Variants in FAS observed in about 807,000 individuals in gnomAD.
The protein encoded by FAS is Fas cell surface death receptor.
In FAS, 5 loss-of-function variants were observed where a neutral mutation model predicts 33.2. The ratio of observed to expected loss-of-function variants is 0.15; its 90% CI spans 0.08 to 0.32. The LOEUF (loss-of-function observed/expected upper bound fraction) is 0.32. Among genes scored for constraint, FAS ranks in the 10% least tolerant of loss-of-function variants. The probability of loss-of-function intolerance (pLI) is 1.00; values close to 1 mark genes in which losing one functional copy is unlikely to be tolerated. For synonymous variants in FAS, 131 were observed against 130.7 expected (o/e 1.00, Z -0.01); for missense variants, 339 against 386.0 (o/e 0.88, Z 1.02).
chr10:89,008,880 A>G lies in FAS; in HGVS notation c.335-9A>G, dbSNP rs369760719. ...GCTATAACTAATAGTTTCCAAACTG[A>G]TTTTCTAGGCTTAGAAGTGGAAATA... On this transcript the variant is annotated splice_polypyrimidine_tract_variant and intron_variant, in intron 3 of 8. Coordinates refer to ENST00000652046, the MANE Select transcript of FAS (RefSeq NM_000043.6). 2 of 1,613,264 alleles carry G rather than the reference A, an allele frequency of 1.2e-6. No individual in the cohort carries two copies. The highest frequency in any genetic ancestry group is 2.2e-5 in the East Asian group (1 of 44,892).
At position 89,014,484 on chromosome 10, in the gene FAS, G is replaced by T; in HGVS notation, c.*34G>T. The T allele has an allele frequency of 6.3e-7, 1 of 1,581,214 alleles. No homozygotes were observed. ...ACAACAAATTCAGTTCTGAGTATAT[G>T]CAATTAGTGTTTGAAAAGATTCTTA... On this transcript the variant is annotated 3_prime_UTR_variant, in exon 9 of 9. Transcript: ENST00000652046.
chr10:88,964,422 T>C (rs1182345126), intron 1 of FAS, among the ~76,000 whole-genome samples: 1 of 152,172 alleles, frequency 6.6e-6, no homozygotes, highest in Admixed American at 6.6e-5. Context: ...CTTGAGTTTC[T>C]AGGGGTGGCA....
At chr10:88,988,155 C>A (rs904525874), upstream of FAS, among the ~76,000 whole-genome samples, 4 of 152,096 alleles carry the variant, frequency 2.6e-5, no homozygotes, top group African/African-American at 9.7e-5. Context: ...CTAGAGAACC[C>A]TGACTAAAAG....
chr10:89,007,902 G>A lies in FAS; in HGVS notation c.334+65G>A, dbSNP rs1589476088. On this transcript the variant is annotated intron_variant, in intron 3 of 8. Transcript: ENST00000652046. ...GAATTTCATGTAGAACCATTTATAA[G>A]ACAATTTGAAATTGGGGCCTACTGT... 8.1e-6 allele frequency: 13 copies of A among 1,607,066 alleles called. No individual in the cohort carries two copies. The East Asian group carries it at 2.9e-4, about 36-fold the overall frequency.
At chr10:88,998,891 C>T (rs1246228962) in intron 1 of FAS, among the ~76,000 whole-genome samples, 1 of 152,176 alleles carries the variant, frequency 6.6e-6, no homozygotes, top group African/African-American at 2.4e-5. Flanking sequence ...CATGGTGGCT[C>T]ACGCCTGTAA....
chr10:88,976,097 T>C (rs1846556709), intron 2 of FAS, among the ~76,000 whole-genome samples: 1 of 152,184 alleles, frequency 6.6e-6, no homozygotes, highest in Non-Finnish European at 1.5e-5. Flanking sequence ...ATATAATGTG[T>C]AATACAGGGG....
At chr10:88,992,215 G>GA (rs930010490) in intron 1 of FAS, among the ~76,000 whole-genome samples, 4 of 151,286 alleles carry the variant, frequency 2.6e-5, no homozygotes, top group South Asian at 2.1e-4. Flanking sequence ...TTTATGATTA[G>GA]AAAAAAAAAT....
intron 2 of FAS, among the ~76,000 whole-genome samples, chr10:88,978,261 AG>A (rs1199068890): frequency 9.2e-5 from 9 of 97,434 alleles, no homozygotes; most frequent in Middle Eastern, 5.4e-3. Flanking sequence ...GGGTGGGGGG[AG>A]GGGGGAGGGA....
At position 89,013,360 on chromosome 10, in the gene FAS, T is replaced by C; in HGVS notation, c.669T>C (p.Asn223=). The C allele has an allele frequency of 3.1e-6, 5 of 1,612,100 alleles. No individual in the cohort carries two copies. Among genetic ancestry groups the C allele is most frequent in the Non-Finnish European group, 4.2e-6 (5 of 1,179,032 alleles). Residue 223 remains asparagine (N), a synonymous_variant, in exon 8 of 9, where the codon AAT becomes AAC. Transcript: ENST00000652046. ...CTTTCTAGGAAACAGTGGCAATAAA[T>C]TTATCTGGTAAGGCTTTTATCATTT... ...PTLNPETVAI[N]LSDVDLSKYI...
chr10:88,979,996 G>A (rs182020820), intron 2 of FAS, among the ~76,000 whole-genome samples: 32 of 152,298 alleles, frequency 2.1e-4, no homozygotes, highest in Admixed American at 1.5e-3. Flanking sequence ...AAAAGGCAAC[G>A]CTAATTTGCA....
At chr10:88,987,211 G>GT (rs1319299254), upstream of FAS, among the ~76,000 whole-genome samples, 1 of 152,210 alleles carries the variant, frequency 6.6e-6, no homozygotes, top group African/African-American at 2.4e-5. Context: ...CTACAGAATT[G>GT]TTTAAGCAAT....
intron 1 of FAS, among the ~76,000 whole-genome samples, chr10:88,972,200 C>G (rs1322636099): frequency 6.6e-6 from 1 of 152,172 alleles, no homozygotes; most frequent in African/African-American, 2.4e-5. Context: ...AGCCACCACG[C>G]CCAGCCAGGG....
At chr10:88,968,193 C>A (rs1384371633) in intron 1 of FAS, among the ~76,000 whole-genome samples, 3 of 152,154 alleles carry the variant, frequency 2.0e-5, no homozygotes, top group Admixed American at 6.5e-5. Flanking sequence ...ACTGGTAACT[C>A]AGAAATGTTA....
At chr10:88,984,767 T>C (rs1460579117), upstream of FAS, among the ~76,000 whole-genome samples, 1 of 151,818 alleles carries the variant, frequency 6.6e-6, no homozygotes, top group Non-Finnish European at 1.5e-5. Flanking sequence ...AGAGCTAGAG[T>C]GAGAGAAAGA....
intron 1 of FAS, among the ~76,000 whole-genome samples, chr10:89,002,089 A>G (rs1847960735): frequency 6.6e-6 from 1 of 152,176 alleles, no homozygotes; most frequent in African/African-American, 2.4e-5. Context: ...TTCTTGCCAA[A>G]CACCTCCCCT....
chr10:89,002,380 T>G (rs1847976687), intron 1 of FAS, among the ~76,000 whole-genome samples: 1 of 152,180 alleles, frequency 6.6e-6, no homozygotes, highest in African/African-American at 2.4e-5. Flanking sequence ...CTTCTCATAA[T>G]ACTGTCTCCT....
rs1379149262 is a variant in FAS at position 88,990,842 on chromosome 10, G to A, written c.-35G>A. On this transcript the variant is annotated 5_prime_UTR_variant, in exon 1 of 9. Transcript: ENST00000652046. This position sits in a 1 kb window ranked among gnomAD's most constrained non-coding sequence, Gnocchi z 4.9. ...TGGACCCGCTCAGTACGGAGTTGGGGAAGCTCTTTCACTTCGGAGGATTGC... is the reference window on the plus strand; with the variant it reads ...TGGACCCGCTCAGTACGGAGTTGGGAAAGCTCTTTCACTTCGGAGGATTGC... The A allele has an allele frequency of 6.2e-7, 1 of 1,614,230 alleles. No homozygotes were observed. The highest frequency in any genetic ancestry group is 1.1e-5 in the South Asian group (1 of 91,090).
intron 2 of FAS, among the ~76,000 whole-genome samples, chr10:89,007,439 T>C (rs1471368710): frequency 1.3e-5 from 2 of 152,040 alleles, no homozygotes; most frequent in Middle Eastern, 3.4e-3. Context: ...TAACCTTCCT[T>C]TTTTTTTGTA....
Position 88,997,007 on chromosome 10 carries a change from C to T in FAS, c.31-6022C>T, listed in dbSNP as rs1214111792. Among the ~76,000 whole-genome samples the T allele has an allele frequency of 4.6e-5, 7 of 152,300 alleles. No homozygotes were observed. In the East Asian group the frequency reaches 1.3e-3, roughly 29 times the overall value. On this transcript the variant is annotated intron_variant, in intron 1 of 8. Coordinates refer to ENST00000652046, the MANE Select transcript of FAS (RefSeq NM_000043.6). The stretch of plus-strand genomic sequence containing the variant: ...AAAGGTCATTTCTCTTATCTTCAAG[C>T]TTATTTTTGGAAGGGTCATTATTTC...
Sources: allele counts gnomAD v4.1 joint callset (sites outside exome capture counted in the v4.1 genomes callset), GRCh38; gene constraint gnomAD v4.1.1; non-coding constraint Gnocchi (gnomAD v3.1); transcripts MANE v1.5; gene names NCBI Gene and HGNC (gene_info 2026-07-23, HGNC 2026-07-21).